HPSE2: variants seen among roughly 807,000 people sequenced by gnomAD.
The protein encoded by HPSE2 is inactive heparanase-2.
Under a neutral mutation model 60.5 loss-of-function variants are expected in HPSE2, and 38 were observed. The ratio of observed to expected loss-of-function variants is 0.63; its 90% CI spans 0.48 to 0.82. The LOEUF (loss-of-function observed/expected upper bound fraction) is 0.82, where lower values mean the gene tolerates loss of function less well. Among genes scored for constraint, HPSE2 ranks in the 40% least tolerant of loss-of-function variants. The pLI is 0.00. For missense variants in HPSE2, 713 were observed against 740.4 expected, an observed-to-expected ratio of 0.96 and a Z score of 0.43; for synonymous variants, 295 against 293.2, an observed-to-expected ratio of 1.01 and a Z score of -0.06.
chr10:99,249,895 G>T, the HPSE2 span, among the ~76,000 whole-genome samples: 1 of 152,096 alleles, frequency 6.6e-6, no homozygotes, highest in African/African-American at 2.4e-5. Flanking sequence ...TGTAATCCTA[G>T]CATTTTGGGA....
At chr10:99,139,025 T>C (rs1299990421) in intron 3 of HPSE2, among the ~76,000 whole-genome samples, 1 of 152,164 alleles carries the variant, frequency 6.6e-6, no homozygotes, top group African/African-American at 2.4e-5. Context: ...TGTAAAGATT[T>C]GGAACCACCC....
At chr10:98,672,162 T>C (rs1947523402) in intron 6 of HPSE2, among the ~76,000 whole-genome samples, 1 of 152,228 alleles carries the variant, frequency 6.6e-6, no homozygotes, top group South Asian at 2.1e-4. Flanking sequence ...AGTTCTTTCA[T>C]GTTACCCTTA....
intron 5 of HPSE2, among the ~76,000 whole-genome samples, chr10:98,702,117 A>T (rs61884582): frequency 2.0e-5 from 3 of 152,186 alleles, no homozygotes; most frequent in Admixed American, 6.6e-5. Context: ...AGGAATATTT[A>T]CCAAGCAAAT....
At chr10:98,522,523 G>A (rs1942830594) in intron 9 of HPSE2, among the ~76,000 whole-genome samples, 1 of 152,152 alleles carries the variant, frequency 6.6e-6, no homozygotes, top group Non-Finnish European at 1.5e-5. Flanking sequence ...TCACCAGGCT[G>A]GAGTGCAATG....
At chr10:98,789,882 T>C (rs1286804050) in intron 3 of HPSE2, among the ~76,000 whole-genome samples, 1 of 152,244 alleles carries the variant, frequency 6.6e-6, no homozygotes, top group African/African-American at 2.4e-5. Context: ...GAGTTATTAA[T>C]ATAAATATTC....
intron 2 of HPSE2, among the ~76,000 whole-genome samples, chr10:99,191,824 C>A (rs1848232322): frequency 6.6e-6 from 1 of 152,138 alleles, no homozygotes; most frequent in Non-Finnish European, 1.5e-5. Context: ...AGAAATGTGA[C>A]CTTTCAGACA....
At chr10:98,983,526 C>A (rs576359140) in intron 3 of HPSE2, among the ~76,000 whole-genome samples, 1 of 152,212 alleles carries the variant, frequency 6.6e-6, no homozygotes, top group Non-Finnish European at 1.5e-5. Context: ...ATTTTTAAGG[C>A]CACCATCATT....
chr10:99,292,737 C>T, the HPSE2 span, among the ~76,000 whole-genome samples: 1 of 152,014 alleles, frequency 6.6e-6, no homozygotes, highest in Non-Finnish European at 1.5e-5. Flanking sequence ...AGATATTTTA[C>T]ATTTTACATT....
chr10:99,305,269 A>C, the HPSE2 span, among the ~76,000 whole-genome samples: 3 of 152,196 alleles, frequency 2.0e-5, no homozygotes, highest in African/African-American at 7.2e-5. Context: ...CTAAAGAGCT[A>C]ATCCAAAACC....
At chr10:98,781,253 C>A (rs1397795482) in intron 3 of HPSE2, among the ~76,000 whole-genome samples, 1 of 151,162 alleles carries the variant, frequency 6.6e-6, no homozygotes, top group Non-Finnish European at 1.5e-5. Flanking sequence ...CAAGCCTCTG[C>A]CCCTATGAAA....
chr10:98,878,714 T>C (rs1333282269), intron 3 of HPSE2, among the ~76,000 whole-genome samples: 1 of 152,000 alleles, frequency 6.6e-6, no homozygotes, highest in Non-Finnish European at 1.5e-5. Flanking sequence ...ATCATAATGA[T>C]AATGGGAAGC....
At chr10:98,679,086 G>C (rs1053556295) in intron 6 of HPSE2, among the ~76,000 whole-genome samples, 16 of 152,144 alleles carry the variant, frequency 1.1e-4, no homozygotes, top group African/African-American at 3.9e-4. Context: ...ATATACCTGT[G>C]GTGAGGGAAG....
intron 3 of HPSE2, among the ~76,000 whole-genome samples, chr10:98,760,750 T>C (rs895509951): frequency 2.0e-5 from 3 of 152,146 alleles, no homozygotes; most frequent in Non-Finnish European, 4.4e-5. Flanking sequence ...TACTTTCCTA[T>C]AATTTTCTTT....
chr10:99,167,758 C>T (rs1847140016), intron 2 of HPSE2, among the ~76,000 whole-genome samples: 1 of 152,112 alleles, frequency 6.6e-6, no homozygotes, highest in African/African-American at 2.4e-5. Flanking sequence ...TTCATACACA[C>T]ACAAACACAC....
At chr10:98,853,280 C>T (rs1030749675) in intron 3 of HPSE2, among the ~76,000 whole-genome samples, 1 of 152,000 alleles carries the variant, frequency 6.6e-6, no homozygotes, top group African/African-American at 2.4e-5. Flanking sequence ...AGATGTTTTC[C>T]CTCTTTTTTG....
chr10:99,057,758 A>G (rs1958146566), intron 3 of HPSE2, among the ~76,000 whole-genome samples: 1 of 152,130 alleles, frequency 6.6e-6, no homozygotes, highest in South Asian at 2.1e-4. Flanking sequence ...ATGGTGATGA[A>G]CTTATTTTGT....
At position 99,104,901 on chromosome 10, in the gene HPSE2, G is replaced by A. The variant is rs909682171; in HGVS notation, c.610+39337C>T. Among the ~76,000 whole-genome samples the A allele has an allele frequency of 5.3e-5, 8 of 151,970 alleles. No individual in the cohort carries two copies. The East Asian group carries it at 9.6e-4, about 18-fold the overall frequency. On this transcript the variant is annotated intron_variant, in intron 3 of 11. Transcript: ENST00000370552. ...CACAGGAAGGGGAACATCACACACC[G>A]GGGCCTGTCGTGGGGTCGGGGGAGA...
chr10:99,251,958 AAGCCC>A, the HPSE2 span, among the ~76,000 whole-genome samples: 108 of 151,922 alleles, frequency 7.1e-4, no homozygotes, highest in African/African-American at 2.6e-3. Context: ...AGAACTGCTT[AAGCCC>A]AGTAGGCCAA....
intron 10 of HPSE2, 25 bp downstream of exon 10, chr10:98,490,026 T>C: frequency 6.2e-7 from 1 of 1,613,998 alleles, no homozygotes; most frequent in Non-Finnish European, 8.5e-7. Context: ...CAGGTGGCCT[T>C]TCTGCCATCT....
Sources: gnomAD v4.1 joint callset for allele counts (sites outside exome capture counted in the v4.1 genomes callset) on GRCh38, gnomAD v4.1.1 for gene constraint, MANE v1.5 for transcripts, NCBI Gene and HGNC (gene_info 2026-07-23, HGNC 2026-07-21) for gene names.